Variants in XPNPEP1 observed in about 807,000 individuals in gnomAD.
The protein encoded by XPNPEP1 is X-prolyl aminopeptidase 1.
Under a neutral mutation model 92.4 loss-of-function variants are expected in XPNPEP1, and 39 were observed. The ratio of observed to expected loss-of-function variants is 0.42; its 90% CI spans 0.33 to 0.55. The LOEUF is 0.55. XPNPEP1 is among the 20% of genes least tolerant of loss of function. The pLI is 0.08. For synonymous variants in XPNPEP1, 307 were observed against 299.4 expected, an observed-to-expected ratio of 1.03 and a Z score of -0.26; for missense variants, 654 against 856.1, an observed-to-expected ratio of 0.76 and a Z score of 2.95.
chr10:109,888,463 C>A, intron 6 of XPNPEP1, 40 bp downstream of exon 6: 2 of 1,562,374 alleles, frequency 1.3e-6, no homozygotes, highest in Non-Finnish European at 1.7e-6. Flanking sequence ...ATCTAGAAGC[C>A]ACTTCCTTAC....
chr10:109,889,331 T>TA (rs1364836208), intron 5 of XPNPEP1, among the ~76,000 whole-genome samples: 4 of 152,212 alleles, frequency 2.6e-5, no homozygotes, highest in Admixed American at 2.6e-4. Context: ...GCCTCCCAAG[T>TA]AGCTGGGATT....
chr10:109,873,241 A>G, intron 16 of XPNPEP1, 126 bp downstream of exon 16: 1 of 1,106,422 alleles, frequency 9.0e-7, no homozygotes, highest in Non-Finnish European at 1.3e-6. Context: ...GCCTGACTCC[A>G]CAGCAAGGAG....
At chr10:109,897,063 G>A (rs1849029055) in intron 3 of XPNPEP1, among the ~76,000 whole-genome samples, 1 of 152,146 alleles carries the variant, frequency 6.6e-6, no homozygotes, top group Non-Finnish European at 1.5e-5. Context: ...ATACCTCAGG[G>A]TACAGGACAA....
intron 15 of XPNPEP1, 89 bp from the exon 16 acceptor site, chr10:109,873,516 C>A: frequency 1.3e-6 from 2 of 1,497,238 alleles, no homozygotes; most frequent in East Asian, 2.3e-5. Flanking sequence ...AGTGAGAAGC[C>A]CCATACAATG....
intron 5 of XPNPEP1, among the ~76,000 whole-genome samples, chr10:109,888,806 A>G (rs1286507275): frequency 6.6e-6 from 1 of 152,238 alleles, no homozygotes; most frequent in East Asian, 1.9e-4. Flanking sequence ...TATGAAAAAC[A>G]TAAGACAAGG....
chr10:109,908,961 GTTC>G (rs1257373987), intron 2 of XPNPEP1, among the ~76,000 whole-genome samples: 1 of 152,160 alleles, frequency 6.6e-6, no homozygotes, highest in Admixed American at 6.6e-5. Flanking sequence ...AATGCTCTGT[GTTC>G]TCCTCTTTAA....
rs149041211 is a variant in XPNPEP1, at chr10:109,905,258, T to C, written c.246+2433A>G. On this transcript the variant is annotated intron_variant, in intron 3 of 20. Coordinates refer to ENST00000502935, the MANE Select transcript of XPNPEP1 (RefSeq NM_020383.4). ...TCTCGCTCTGTCACCCAGGCTGGAG[T>C]ACAGTGCTGCAATCTCGGCCGGCTC... is the stretch of plus-strand genomic sequence containing the variant. Among the ~76,000 whole-genome samples the C allele has an allele frequency of 2.7e-3, 405 of 151,956 alleles. 2 individuals are homozygous for C. Among genetic ancestry groups the C allele is most frequent in the African/African-American group, 9.0e-3 (374 of 41,414 alleles).
intron 9 of XPNPEP1, 138 bp downstream of exon 9, chr10:109,883,929 G>C: frequency 2.6e-6 from 2 of 754,890 alleles, no homozygotes; most frequent in East Asian, 5.5e-5. Flanking sequence ...AACAAGAAGG[G>C]AAAATGTTAA....
At chr10:109,883,944 G>T in intron 9 of XPNPEP1, 123 bp downstream of exon 9, 1 of 805,824 alleles carries the variant, frequency 1.2e-6, no homozygotes, top group Non-Finnish European at 1.9e-6. Context: ...TGTTAAAAGG[G>T]CAAGAAAAAA....
intron 3 of XPNPEP1, among the ~76,000 whole-genome samples, chr10:109,898,365 C>T (rs1324291404): frequency 6.6e-6 from 1 of 152,194 alleles, no homozygotes; most frequent in African/African-American, 2.4e-5. Flanking sequence ...ACTATCTTCT[C>T]GAAGTGGACA....
At position 109,884,119 on chromosome 10, in the gene XPNPEP1, C is replaced by A. The variant is rs1251352109; in HGVS notation, c.778G>T (p.Glu260Ter). The change falls in exon 9 of 21, where the codon GAG becomes TAG. Residue 260 changes from glutamate to a stop codon, truncating the protein, a stop_gained. Coordinates refer to ENST00000502935, the MANE Select transcript of XPNPEP1 (RefSeq NM_020383.4). LOFTEE classifies it high-confidence loss of function. ...TAGGAGAAAAATACTGGATTGTGCT[C>A]CACATCTGATCCTCGGAGATTAAAT... ...WLFNLRGSDV[E>*]HNPVFFSYAI... is the part of the protein sequence containing the mutation. 1.2e-6 allele frequency: 2 copies of A among 1,614,044 alleles called. No individual in the cohort carries two copies. The highest frequency in any genetic ancestry group is 1.7e-6 in the Non-Finnish European group (2 of 1,179,962).
intron 3 of XPNPEP1, among the ~76,000 whole-genome samples, chr10:109,905,781 A>AT (rs1392936027): frequency 1.3e-5 from 2 of 152,222 alleles, no homozygotes; most frequent in Admixed American, 1.3e-4. Flanking sequence ...TAACAAATAT[A>AT]TTTTTTGTAG....
At chr10:109,903,067 AGC>A (rs1849370542) in intron 3 of XPNPEP1, among the ~76,000 whole-genome samples, 1 of 152,252 alleles carries the variant, frequency 6.6e-6, no homozygotes, top group African/African-American at 2.4e-5. Context: ...GCAAAGGAAC[AGC>A]ACCCAGGACC....
intron 3 of XPNPEP1, among the ~76,000 whole-genome samples, chr10:109,903,977 C>G (rs1449770818): frequency 6.6e-6 from 1 of 151,390 alleles, no homozygotes; most frequent in Non-Finnish European, 1.5e-5. Context: ...CCCAAGTACT[C>G]AGGACTACAG....
At chr10:109,871,762 G>C (rs899922607) in intron 17 of XPNPEP1, 30 bp downstream of exon 17, 12 of 1,598,552 alleles carry the variant, frequency 7.5e-6, no homozygotes, top group Non-Finnish European at 9.4e-6. Context: ...AAGAAAAAGA[G>C]CCTGCCATGT....
intron 12 of XPNPEP1, among the ~76,000 whole-genome samples, chr10:109,879,057 A>G (rs1847939660): frequency 6.6e-6 from 1 of 150,874 alleles, no homozygotes; most frequent in African/African-American, 2.4e-5. Flanking sequence ...CCTGGCTAAC[A>G]CAGTGAAACC....
chr10:109,872,893 C>T (rs1847566345), intron 16 of XPNPEP1, among the ~76,000 whole-genome samples: 2 of 152,222 alleles, frequency 1.3e-5, no homozygotes, highest in Admixed American at 1.3e-4. Context: ...GTACACATCT[C>T]TCTGCCTCAC....
At chr10:109,893,858 A>G (rs1848832834) in intron 3 of XPNPEP1, among the ~76,000 whole-genome samples, 1 of 152,226 alleles carries the variant, frequency 6.6e-6, no homozygotes, top group African/African-American at 2.4e-5. Context: ...ATTTGAACCT[A>G]AGCAGTCAAC....
chr10:109,906,345 G>A (rs1849558954), intron 3 of XPNPEP1, among the ~76,000 whole-genome samples: 1 of 152,158 alleles, frequency 6.6e-6, no homozygotes, highest in Admixed American at 6.5e-5. Flanking sequence ...AGTAAGAGAG[G>A]AAAAGATATA....
Sources: allele counts gnomAD v4.1 joint callset (sites outside exome capture counted in the v4.1 genomes callset), GRCh38; gene constraint gnomAD v4.1.1; transcripts MANE v1.5; gene names NCBI Gene and HGNC (gene_info 2026-07-23, HGNC 2026-07-21).